Variants in MBNL1 observed in about 807,000 individuals in gnomAD.
MBNL1 encodes the protein muscleblind like splicing regulator 1, also known as muscleblind-like protein 1.
MBNL1 carries 8 observed loss-of-function variants against 42.2 expected under a neutral mutation model. That is an observed-to-expected ratio of 0.19 (90% CI 0.11 to 0.34). The LOEUF is 0.34. MBNL1 is among the 10% of genes least tolerant of loss of function. The pLI is 1.00. For synonymous variants in MBNL1, 169 were observed against 173.9 expected (o/e 0.97, Z 0.22); for missense variants, 309 against 495.3 (o/e 0.62, Z 3.57).
chr3:152,464,803 T>C lies in MBNL1; in HGVS notation c.*2437T>C, dbSNP rs749534995. ...CATGTTGGAACGTCTAGGGAGAAGG[T>C]TGACTTTTTGCACTTCTGTATATAG... is the stretch of plus-strand genomic sequence containing the variant. On this transcript the variant is annotated 3_prime_UTR_variant, in exon 10 of 10. Transcript: ENST00000324210. 4 of 152,606 alleles carry C rather than the reference T, an allele frequency of 2.6e-5. No individual in the cohort carries two copies. The highest frequency in any genetic ancestry group is 5.9e-5 in the Non-Finnish European group (4 of 68,012). The allele number at this position is 152,606 out of a possible 1,614,324, so 9.5% of individuals were successfully genotyped here.
chr3:152,396,741 A>T (rs2097961699), intron 2 of MBNL1, among the ~76,000 whole-genome samples: 2 of 151,548 alleles, frequency 1.3e-5, no homozygotes, highest in African/African-American at 2.4e-5. Flanking sequence ...TTTTGTTTTG[A>T]TTTTTGGTAG....
intron 2 of MBNL1, among the ~76,000 whole-genome samples, chr3:152,307,596 A>G (rs1458914951): frequency 1.3e-5 from 2 of 152,206 alleles, no homozygotes; most frequent in Admixed American, 6.5e-5. Context: ...TCCATTTCAC[A>G]GATGGACACA....
At chr3:152,262,456 G>A (rs1178984825) in intron 2 of MBNL1, among the ~76,000 whole-genome samples, 1 of 152,134 alleles carries the variant, frequency 6.6e-6, no homozygotes, top group African/African-American at 2.4e-5. Context: ...ACAATGGAAT[G>A]AAAAGAGAGG....
At chr3:152,296,524 T>A (rs1251096739) in intron 1 of MBNL1, among the ~76,000 whole-genome samples, 4 of 152,158 alleles carry the variant, frequency 2.6e-5, no homozygotes, top group Non-Finnish European at 5.9e-5. Context: ...TATCCACTAT[T>A]GCTAATGAAC....
At chr3:152,396,738 T>G (rs1397604873) in intron 2 of MBNL1, among the ~76,000 whole-genome samples, 5 of 152,330 alleles carry the variant, frequency 3.3e-5, no homozygotes, top group Middle Eastern at 3.4e-3. Flanking sequence ...TGTTTTTGTT[T>G]TGATTTTTGG....
At chr3:152,325,115 T>A (rs1030510984) in intron 2 of MBNL1, among the ~76,000 whole-genome samples, 1 of 95,774 alleles carries the variant, frequency 1.0e-5, no homozygotes, top group African/African-American at 4.2e-5. Context: ...TTTTTTCATT[T>A]GTTTTTGTTT....
intron 2 of MBNL1, among the ~76,000 whole-genome samples, chr3:152,395,214 G>A (rs1315614218): frequency 6.6e-6 from 1 of 152,120 alleles, no homozygotes; most frequent in East Asian, 1.9e-4. Flanking sequence ...ATATGGATAA[G>A]TAGTTTTTAT....
intron 2 of MBNL1, among the ~76,000 whole-genome samples, chr3:152,352,216 A>G (rs2095081875): frequency 6.6e-6 from 1 of 152,192 alleles, no homozygotes; most frequent in Admixed American, 6.5e-5. Flanking sequence ...AAGACAGTAA[A>G]TTTAGGATGA....
At chr3:152,355,052 T>C (rs913140789) in intron 2 of MBNL1, among the ~76,000 whole-genome samples, 3 of 152,230 alleles carry the variant, frequency 2.0e-5, no homozygotes, top group Non-Finnish European at 2.9e-5. Context: ...TCATTATTCC[T>C]CCAGAGCTTG....
chr3:152,420,348 G>A (rs1291096484), intron 3 of MBNL1, among the ~76,000 whole-genome samples: 1 of 152,162 alleles, frequency 6.6e-6, no homozygotes, highest in Non-Finnish European at 1.5e-5. Context: ...GGGATCGAAA[G>A]ACACTTCATA....
chr3:152,382,001 T>G (rs2097197310), intron 2 of MBNL1, among the ~76,000 whole-genome samples: 1 of 152,084 alleles, frequency 6.6e-6, no homozygotes, highest in African/African-American at 2.4e-5. Flanking sequence ...TTGGCGTCTT[T>G]CTCAATTGAT....
At chr3:152,376,817 TAC>T (rs930894589) in intron 2 of MBNL1, among the ~76,000 whole-genome samples, 2 of 151,924 alleles carry the variant, frequency 1.3e-5, no homozygotes, top group Non-Finnish European at 2.9e-5. Flanking sequence ...CACACACACA[TAC>T]ACACACACAT....
intron 2 of MBNL1, among the ~76,000 whole-genome samples, chr3:152,385,464 A>G (rs2097371724): frequency 1.3e-5 from 2 of 152,046 alleles, no homozygotes; most frequent in South Asian, 4.1e-4. Context: ...ATCTTCATGG[A>G]TTTTAATTAT....
intron 2 of MBNL1, among the ~76,000 whole-genome samples, chr3:152,381,018 T>C (rs1160912080): frequency 6.6e-6 from 1 of 152,076 alleles, no homozygotes; most frequent in African/African-American, 2.4e-5. Flanking sequence ...ATAAACTGGC[T>C]TTGCTTCATC....
chr3:152,260,975 G>T (rs1576810886), intron 2 of MBNL1, among the ~76,000 whole-genome samples: 2 of 152,168 alleles, frequency 1.3e-5, no homozygotes, highest in Admixed American at 6.5e-5. Context: ...GTTTCCTGCA[G>T]ATAATTCTGT....
upstream of MBNL1, chr3:152,268,576 C>T (rs776370918): frequency 8.5e-6 from 3 of 351,580 alleles, no homozygotes; most frequent in South Asian, 6.2e-5. Flanking sequence ...TCTGCACGCC[C>T]GCCGCGAGGT....
At chr3:152,389,091 ATC>A in intron 2 of MBNL1, among the ~76,000 whole-genome samples, 1 of 151,632 alleles carries the variant, frequency 6.6e-6, no homozygotes, top group East Asian at 1.9e-4. Flanking sequence ...ACAGTCATGC[ATC>A]TCTTTTTTTT....
chr3:152,393,085 A>G (rs1292782520), intron 2 of MBNL1, among the ~76,000 whole-genome samples: 1 of 152,016 alleles, frequency 6.6e-6, no homozygotes, highest in Non-Finnish European at 1.5e-5. Context: ...AGGTACCAGA[A>G]CTCCTTTACA....
chr3:152,384,979 C>A (rs2153432354), intron 2 of MBNL1, among the ~76,000 whole-genome samples: 1 of 152,046 alleles, frequency 6.6e-6, no homozygotes, highest in East Asian at 1.9e-4. Context: ...GCATGAAAAG[C>A]AGGTCAAATA....
Sources: allele counts gnomAD v4.1 joint callset (sites outside exome capture counted in the v4.1 genomes callset), GRCh38; gene constraint gnomAD v4.1.1; transcripts MANE v1.5; gene names NCBI Gene and HGNC (gene_info 2026-07-23, HGNC 2026-07-21).